The following FRMD6 variants were observed in gnomAD, a reference collection of about 807,000 sequenced individuals.
The protein encoded by FRMD6 is FERM domain-containing protein 6.
In FRMD6, 37 loss-of-function variants were observed where a neutral mutation model predicts 73.2. The ratio of observed to expected loss-of-function variants is 0.51; its 90% CI spans 0.39 to 0.66. The LOEUF is 0.66. Among genes scored for constraint, FRMD6 ranks in the 30% least tolerant of loss-of-function variants. The probability of loss-of-function intolerance (pLI) is 0.00; values close to 1 mark genes in which losing one functional copy is unlikely to be tolerated. For synonymous variants in FRMD6, 273 were observed against 282.2 expected (o/e 0.97, Z 0.33); for missense variants, 714 against 780.5 (o/e 0.91, Z 1.02).
chr14:51,541,982 A>G (rs1886222908), intron 1 of FRMD6, among the ~76,000 whole-genome samples: 1 of 152,018 alleles, frequency 6.6e-6, no homozygotes, highest in South Asian at 2.1e-4. Flanking sequence ...ATCCCTAGAA[A>G]CAGTACACCA....
chr14:51,671,538 G>C (rs982424094), intron 1 of FRMD6, among the ~76,000 whole-genome samples: 7 of 152,114 alleles, frequency 4.6e-5, no homozygotes, highest in Admixed American at 1.3e-4. Context: ...GATCTAGTTT[G>C]AGGCACTAAA....
chr14:51,568,367 G>A (rs1205300428), intron 1 of FRMD6, among the ~76,000 whole-genome samples: 2 of 152,270 alleles, frequency 1.3e-5, no homozygotes, highest in Non-Finnish European at 2.9e-5. Context: ...GAGGAGTACA[G>A]CGTGAGCTGT....
intron 2 of FRMD6, among the ~76,000 whole-genome samples, chr14:51,605,337 CTCTTAACGAGCATGCTGCCT>C (rs1890213367): frequency 6.6e-6 from 1 of 152,022 alleles, no homozygotes; most frequent in Admixed American, 6.6e-5. Flanking sequence ...GTGGTGATGA[CTCTTAACGAGCATGCTGCCT>C]TCAAGCATCT....
In FRMD6 at chr14:51,524,611, C is replaced by T. The variant is rs189027837; in HGVS notation, c.-210+35191C>T. Among the ~76,000 whole-genome samples the T allele has an allele frequency of 1.3e-5, 2 of 152,020 alleles. 1 individual carries two copies. The highest frequency in any genetic ancestry group is 3.9e-4 in the East Asian group (2 of 5,172). On this transcript the variant is annotated intron_variant, in intron 1 of 14. Transcript: ENST00000356218. ...TAACAGCATTTAACTGAGCAAAGAACGATTTGCAAATTGGGCAGCCCCCTA... is the reference window on the plus strand; with the variant it reads ...TAACAGCATTTAACTGAGCAAAGAATGATTTGCAAATTGGGCAGCCCCCTA...
the FRMD6 span, among the ~76,000 whole-genome samples, chr14:51,411,138 C>T: frequency 1.3e-5 from 2 of 152,002 alleles, no homozygotes; most frequent in African/African-American, 4.8e-5. Context: ...AAGAAGAGGC[C>T]CCAAAGCAGC....
At chr14:51,396,572 C>CT in the FRMD6 span, among the ~76,000 whole-genome samples, 1 of 152,174 alleles carries the variant, frequency 6.6e-6, no homozygotes, top group Non-Finnish European at 1.5e-5. Flanking sequence ...TCAGGAGTCA[C>CT]CATCTGTGCT....
chr14:51,585,241 C>T (rs978417793), intron 2 of FRMD6, among the ~76,000 whole-genome samples: 1 of 152,128 alleles, frequency 6.6e-6, no homozygotes, highest in Non-Finnish European at 1.5e-5. Context: ...TATCCTAGGC[C>T]CCCAGTTCCT....
At chr14:51,689,331 T>C (rs760031549) in intron 1 of FRMD6, among the ~76,000 whole-genome samples, 1 of 152,222 alleles carries the variant, frequency 6.6e-6, no homozygotes, top group African/African-American at 2.4e-5. Flanking sequence ...AATTTTCTTA[T>C]TGCTGTTGTT....
At chr14:51,569,884 C>G (rs1050295183) in intron 1 of FRMD6, among the ~76,000 whole-genome samples, 1 of 151,582 alleles carries the variant, frequency 6.6e-6, no homozygotes, top group African/African-American at 2.4e-5. Flanking sequence ...GGCGCGATCT[C>G]GGCTCACTGC....
the FRMD6 span, chr14:51,396,884 A>G: frequency 6.6e-6 from 1 of 152,194 alleles, no homozygotes; most frequent in African/African-American, 2.4e-5. Context: ...CCAATTTTCC[A>G]GTTCAGTTTT....
intron 2 of FRMD6, among the ~76,000 whole-genome samples, chr14:51,579,519 T>C (rs868696292): frequency 6.6e-6 from 1 of 152,178 alleles, no homozygotes; most frequent in Non-Finnish European, 1.5e-5. Context: ...CAATAATGTG[T>C]TTATTTGTTT....
At chr14:51,416,415 G>C in the FRMD6 span, among the ~76,000 whole-genome samples, 1 of 152,182 alleles carries the variant, frequency 6.6e-6, no homozygotes, top group African/African-American at 2.4e-5. Flanking sequence ...TATTTACCCA[G>C]TAGTCATTCG....
Position 51,509,580 on chromosome 14 carries a change from G to A in FRMD6, c.-210+20160G>A, listed in dbSNP as rs114534330. Among the ~76,000 whole-genome samples the A allele has an allele frequency of 1.4e-3, 213 of 151,954 alleles. 1 individual carries two copies. The highest frequency in any genetic ancestry group is 4.9e-3 in the African/African-American group (202 of 41,368). The stretch of plus-strand genomic sequence containing the variant: ...AAACAAAACAAAAGTCACTCTAGCA[G>A]GACAAAGGTTTGCCACCAGTAACAA... On this transcript the variant is annotated intron_variant, in intron 1 of 14. Transcript: ENST00000356218.
At chr14:51,506,290 T>C (rs1883960631) in intron 1 of FRMD6, among the ~76,000 whole-genome samples, 1 of 152,176 alleles carries the variant, frequency 6.6e-6, no homozygotes, top group African/African-American at 2.4e-5. Context: ...GGCCTCCCTC[T>C]CAGCGCCCAG....
chr14:51,506,261 G>T (rs1455788079), intron 1 of FRMD6, among the ~76,000 whole-genome samples: 1 of 152,130 alleles, frequency 6.6e-6, no homozygotes. Flanking sequence ...TCTCTGCAAA[G>T]CTCTCTCTAG....
chr14:51,591,692 G>A (rs116606787), intron 2 of FRMD6, among the ~76,000 whole-genome samples: 12,625 of 152,038 alleles, frequency 0.083, 737 homozygotes, highest in African/African-American at 0.16. Context: ...ACAGGTGTGC[G>A]CCACCATGCC....
intron 11 of FRMD6, chr14:51,720,598 C>G: frequency 1.7e-6 from 1 of 575,780 alleles, no homozygotes; most frequent in Admixed American, 3.0e-5. Flanking sequence ...TTTGCGGCCA[C>G]AAGACTGGAT....
the FRMD6 span, among the ~76,000 whole-genome samples, chr14:51,427,794 G>A: frequency 1.3e-5 from 2 of 152,162 alleles, no homozygotes; most frequent in East Asian, 1.9e-4. Flanking sequence ...CTGATGTTGC[G>A]CTGAACTTGA....
the FRMD6 span, among the ~76,000 whole-genome samples, chr14:51,410,728 G>A: frequency 6.6e-6 from 1 of 152,064 alleles, no homozygotes; most frequent in African/African-American, 2.4e-5. Flanking sequence ...GTCTTGTCAG[G>A]CCTTTTTCTC....
Sources: gnomAD v4.1 joint callset for allele counts (sites outside exome capture counted in the v4.1 genomes callset) on GRCh38, gnomAD v4.1.1 for gene constraint, MANE v1.5 for transcripts, NCBI Gene and HGNC (gene_info 2026-07-23, HGNC 2026-07-21) for gene names.